The following ERMARD variants were observed in gnomAD, a reference collection of about 807,000 sequenced individuals.
ERMARD encodes ER membrane associated RNA degradation.
Under a neutral mutation model 83.9 loss-of-function variants are expected in ERMARD, and 71 were observed. That is an observed-to-expected ratio of 0.85 (90% CI 0.70 to 1.03). ERMARD has a LOEUF of 1.03. Among genes scored for constraint, ERMARD ranks in the 50% least tolerant of loss-of-function variants. The pLI is 0.00. For synonymous variants in ERMARD, 284 were observed against 298.6 expected, an observed-to-expected ratio of 0.95 and a Z score of 0.50; for missense variants, 838 against 810.9, an observed-to-expected ratio of 1.03 and a Z score of -0.41.
chr6:169,751,410 T>G (rs966751409), upstream of ERMARD: 7 of 1,614,096 alleles, frequency 4.3e-6, no homozygotes, highest in Non-Finnish European at 5.9e-6. Context: ...GGGGTCTGGT[T>G]CGGGGTCTGG....
At chr6:169,775,883 G>T in intron 14 of ERMARD, 57 bp from the exon 15 acceptor site, 2 of 1,593,300 alleles carry the variant, frequency 1.3e-6, no homozygotes. Flanking sequence ...CTTGTGCACA[G>T]GCACTGATGT....
In ERMARD at chr6:169,757,344, CT is replaced by C. The variant is rs1790944836; in HGVS notation, c.507+539del. ...TGCCCCTCCTCCAGCACATAGAAAG[CT>C]TTCCTATCCCGAGTGTGAATAACTC... On this transcript the variant is annotated intron_variant, in intron 5 of 17. Transcript: ENST00000366773. Among the ~76,000 whole-genome samples the C allele has an allele frequency of 2.0e-5, 3 of 152,318 alleles. No homozygotes were observed. In the South Asian group the frequency reaches 6.2e-4, roughly 32 times the overall value.
At chr6:169,756,483 G>C (rs1790830539) in intron 4 of ERMARD, 44 bp downstream of exon 4, 1 of 1,351,694 alleles carries the variant, frequency 7.4e-7, no homozygotes, top group African/African-American at 1.5e-5. Flanking sequence ...TAAATTATCT[G>C]AATGAACATG....
At chr6:169,763,597 C>T (rs956736929) in intron 9 of ERMARD, among the ~76,000 whole-genome samples, 1 of 152,254 alleles carries the variant, frequency 6.6e-6, no homozygotes, top group Non-Finnish European at 1.5e-5. Context: ...AGCCGCTCCA[C>T]ACCTCGGATT....
chr6:169,760,153 TC>T (rs869277228), intron 7 of ERMARD, among the ~76,000 whole-genome samples, 179 bp downstream of exon 7: 1 of 148,344 alleles, frequency 6.7e-6, no homozygotes, highest in Non-Finnish European at 1.5e-5. Flanking sequence ...CCCTGCCTCC[TC>T]CCACCATGCC....
At chr6:169,760,612 TTG>T (rs536762451) in intron 7 of ERMARD, 28 bp from the exon 8 acceptor site, 416 of 1,453,492 alleles carry the variant, frequency 2.9e-4, no homozygotes, top group Non-Finnish European at 3.7e-4. Flanking sequence ...ATCAGTATGA[TTG>T]TGTTTAAAAC....
At position 169,756,775 on chromosome 6, in the gene ERMARD, T is replaced by G. The variant is rs531497550; in HGVS notation, c.474T>G (p.Ser158=). The change falls in exon 5 of 18, where the codon TCT becomes TCG. Residue 158 remains serine (S), a synonymous_variant. Coordinates refer to ENST00000366773, the MANE Select transcript of ERMARD (RefSeq NM_018341.3). Reference sequence around the variant, plus strand: ...TTCTTTTAAGAGATCTGCTTTCATCTGAGGAGCTTGCTCAAGTCTTCAGTC... The same window carrying G: ...TTCTTTTAAGAGATCTGCTTTCATCGGAGGAGCTTGCTCAAGTCTTCAGTC... ...CPFLLRDLLS[S]EELAQVFSQS... 6.2e-7 allele frequency: 1 copy of G among 1,614,122 alleles called. No individual in the cohort carries two copies. The highest frequency in any genetic ancestry group is 1.1e-5 in the South Asian group (1 of 91,080).
intron 16 of ERMARD, among the ~76,000 whole-genome samples, 158 bp from the exon 17 acceptor site, chr6:169,779,024 C>T (rs767823062): frequency 5.3e-5 from 8 of 152,224 alleles, no homozygotes; most frequent in South Asian, 2.1e-4. Context: ...CCACGGGCCT[C>T]GGGGCTGGAA....
In ERMARD at chr6:169,751,631, G is replaced by T; in HGVS notation, c.-27G>T. 6.4e-7 allele frequency: 1 copy of T among 1,571,132 alleles called. No homozygotes were observed. The highest frequency in any genetic ancestry group is 8.6e-7 in the Non-Finnish European group (1 of 1,158,004). On this transcript the variant is annotated 5_prime_UTR_variant, in exon 1 of 18. Coordinates refer to ENST00000366773, the MANE Select transcript of ERMARD (RefSeq NM_018341.3). Reference sequence around the variant, plus strand: ...GCGCGCAGGCGCCTGCGTCATTCACGCGCGCCGCAGCGGGGCACCGGAAGT... The same window carrying T: ...GCGCGCAGGCGCCTGCGTCATTCACTCGCGCCGCAGCGGGGCACCGGAAGT...
chr6:169,762,793 C>T (rs1055113002), intron 9 of ERMARD, among the ~76,000 whole-genome samples: 5 of 152,202 alleles, frequency 3.3e-5, no homozygotes, highest in African/African-American at 1.2e-4. Context: ...CTCTCTCTAG[C>T]TGTGTTGATG....
intron 17 of ERMARD, among the ~76,000 whole-genome samples, chr6:169,779,806 C>T (rs563551937): frequency 6.6e-6 from 1 of 152,116 alleles, no homozygotes. Flanking sequence ...AAATTGTTTC[C>T]AATTCGGGAA....
chr6:169,777,775 C>G (rs138168142), intron 16 of ERMARD, among the ~76,000 whole-genome samples: 1 of 152,148 alleles, frequency 6.6e-6, no homozygotes, highest in Non-Finnish European at 1.5e-5. Flanking sequence ...GGCCCGCCCC[C>G]CTTCCCCCCA....
chr6:169,773,991 A>G (rs1793283932), intron 13 of ERMARD, among the ~76,000 whole-genome samples: 1 of 152,214 alleles, frequency 6.6e-6, no homozygotes, highest in Admixed American at 6.5e-5. Context: ...AGGAAGCTGT[A>G]AAATCAACAC....
rs778534568 is a variant in ERMARD at position 169,759,839 on chromosome 6, T to C, written c.607T>C (p.Tyr203His). The change falls in exon 7 of 18, where the codon TAC becomes CAC. Residue 203 changes from tyrosine to histidine, a missense_variant and splice_region_variant. Physicochemically the swap from Tyr to His is moderately conservative, Grantham distance 83. Transcript: ENST00000366773. Reference sequence around the variant, plus strand: ...ACAGATCTCTATGGTATTTCCTAGATACTGTTCAATGATGATACTGTTGAC... The same window carrying C: ...ACAGATCTCTATGGTATTTCCTAGACACTGTTCAATGATGATACTGTTGAC... ...FASPEEIPPK[Y>H]CSMMILLTAG... The C allele has an allele frequency of 7.4e-6, 12 of 1,613,086 alleles. No homozygotes were observed. The highest frequency in any genetic ancestry group is 7.6e-6 in the Non-Finnish European group (9 of 1,179,164).
chr6:169,752,018 A>C (rs1190127041), intron 1 of ERMARD: 2 of 345,202 alleles, frequency 5.8e-6, no homozygotes, highest in Non-Finnish European at 1.0e-5. Flanking sequence ...CGTTCCTAGA[A>C]GCGCAGTTTC....
Position 169,753,890 on chromosome 6 carries a change from A to G in ERMARD, c.33A>G (p.Thr11=), listed in dbSNP as rs140054205. The change falls in exon 2 of 18, where the codon ACA becomes ACG. Residue 11 remains threonine, a synonymous_variant. Transcript: ENST00000366773. MEVLIGDPIT[T]CLSPSVYDII... The stretch of plus-strand genomic sequence containing the variant: ...TATTAATAGGGGACCCTATTACCAC[A>G]TGTCTTTCTCCCTCAGTGTATGATA... 5.6e-6 allele frequency: 9 copies of G among 1,602,512 alleles called. No individual in the cohort carries two copies. Among genetic ancestry groups the G allele is most frequent in the Non-Finnish European group, 7.7e-6 (9 of 1,173,608 alleles).
rs3749882 is a variant in ERMARD, at chr6:169,751,670, C to T, written c.6+7C>T. On this transcript the variant is annotated splice_region_variant and intron_variant, in intron 1 of 17. Transcript: ENST00000366773. Reference sequence around the variant, plus strand: ...GGCACCGGAAGTTATGGAGGTAGGGCGGGTGTAGGGCCCGGTTCGATCCCG... The same window carrying T: ...GGCACCGGAAGTTATGGAGGTAGGGTGGGTGTAGGGCCCGGTTCGATCCCG... 210,565 of 1,554,918 alleles carry T rather than the reference C, an allele frequency of 0.14. 16,782 individuals carry two copies. The highest frequency in any genetic ancestry group is 0.29 in the East Asian group (12,125 of 41,320).
intron 16 of ERMARD, among the ~76,000 whole-genome samples, chr6:169,778,235 G>A (rs756338813): frequency 1.2e-4 from 19 of 152,230 alleles, no homozygotes; most frequent in African/African-American, 4.1e-4. Flanking sequence ...ACGAAACAAT[G>A]TTGAATGAAA....
chr6:169,778,845 G>A lies in ERMARD; in HGVS notation c.1740-337G>A, dbSNP rs1416898439. Among the ~76,000 whole-genome samples the A allele has an allele frequency of 2.6e-5, 4 of 152,252 alleles. No homozygotes were observed. The South Asian group carries it at 8.3e-4, about 32-fold the overall frequency. ...TCCTCCCTAGATGTCAGAGGGCAGC[G>A]AGCAGGGGGGCTGCTGGGCGCAGAC... On this transcript the variant is annotated intron_variant, in intron 16 of 17. Coordinates refer to ENST00000366773, the MANE Select transcript of ERMARD (RefSeq NM_018341.3).
Sources: gnomAD v4.1 joint callset for allele counts (sites outside exome capture counted in the v4.1 genomes callset) on GRCh38, gnomAD v4.1.1 for gene constraint, MANE v1.5 for transcripts, NCBI Gene and HGNC (gene_info 2026-07-23, HGNC 2026-07-21) for gene names.